The following RIMS2 variants were observed in gnomAD, a reference collection of about 807,000 sequenced individuals.
RIMS2 encodes the protein regulating synaptic membrane exocytosis 2.
RIMS2 carries 59 observed loss-of-function variants against 174.4 expected under a neutral mutation model. That is an observed-to-expected ratio of 0.34 (90% CI 0.27 to 0.42). The LOEUF (loss-of-function observed/expected upper bound fraction) is 0.42, where lower values mean the gene tolerates loss of function less well. RIMS2 is among the 10% of genes least tolerant of loss of function. RIMS2 has a pLI of 1.00. For synonymous variants in RIMS2, 606 were observed against 572.5 expected, an observed-to-expected ratio of 1.06 and a Z score of -0.84; for missense variants, 1,620 against 1,666.3, an observed-to-expected ratio of 0.97 and a Z score of 0.48.
intron 1 of RIMS2, among the ~76,000 whole-genome samples, chr8:103,613,693 A>T (rs1000066810): frequency 6.6e-6 from 1 of 152,190 alleles, no homozygotes; most frequent in Non-Finnish European, 1.5e-5. Flanking sequence ...GGCCCATGGC[A>T]TACTACCTGG....
At chr8:103,653,152 C>T (rs911575330) in intron 1 of RIMS2, among the ~76,000 whole-genome samples, 4 of 152,050 alleles carry the variant, frequency 2.6e-5, no homozygotes, top group African/African-American at 9.7e-5. Context: ...AAATATGCTC[C>T]AAGGGTATTA....
chr8:103,652,807 T>A, intron 1 of RIMS2, 97 bp downstream of exon 3: 1 of 674,580 alleles, frequency 1.5e-6, no homozygotes, highest in Non-Finnish European at 2.3e-6. Context: ...TAGTATGCCC[T>A]CAGAAAGGAA....
chr8:103,876,885 TA>T (rs2099142041), intron 3 of RIMS2, among the ~76,000 whole-genome samples: 1 of 46,350 alleles, frequency 2.2e-5, no homozygotes, highest in African/African-American at 6.3e-5. Context: ...TATATATATA[TA>T]TATATATATA....
intron 1 of RIMS2, among the ~76,000 whole-genome samples, chr8:103,528,023 T>A (rs1297242951): frequency 6.6e-6 from 1 of 152,150 alleles, no homozygotes; most frequent in Non-Finnish European, 1.5e-5. Flanking sequence ...TAAAAGTGTT[T>A]CTATTTCTCC....
At position 104,166,742 on chromosome 8, in the gene RIMS2, A is replaced by G. The variant is rs555948879; in HGVS notation, c.3335-78174A>G. Among the ~76,000 whole-genome samples the G allele has an allele frequency of 2.6e-5, 4 of 151,538 alleles. No homozygotes were observed. The East Asian group carries it at 7.8e-4, about 29-fold the overall frequency. Reference sequence around the variant, plus strand: ...GTTTTATATTTATAACTGTATAAATATTTATATTTATATATAAATATACTC... The same window carrying G: ...GTTTTATATTTATAACTGTATAAATGTTTATATTTATATATAAATATACTC... On this transcript the variant is annotated intron_variant, in intron 19 of 23. Coordinates refer to ENST00000504942, the Ensembl canonical transcript of RIMS2.
chr8:104,234,128 G>A (rs569120206), intron 19 of RIMS2, among the ~76,000 whole-genome samples: 2 of 152,152 alleles, frequency 1.3e-5, no homozygotes, highest in South Asian at 2.1e-4. Context: ...ACACCACTAC[G>A]TGTTGTATAC....
rs528935822 is a variant in RIMS2, at chr8:103,980,310, C to T, written c.2927+4804C>T. On this transcript the variant is annotated intron_variant, in intron 16 of 23. Transcript: ENST00000504942. ...CCCGTTCTAGGCCCTAGCTCTGGCA[C>T]ATTTCTAGACAAACATGGGCTAAAA... Among the ~76,000 whole-genome samples the T allele has an allele frequency of 1.6e-4, 24 of 152,236 alleles. No individual in the cohort carries two copies. The East Asian group carries it at 3.5e-3, about 22-fold the overall frequency.
At chr8:103,712,198 C>T (rs1304944373) in intron 2 of RIMS2, among the ~76,000 whole-genome samples, 1 of 141,080 alleles carries the variant, frequency 7.1e-6, no homozygotes, top group Non-Finnish European at 1.5e-5. Flanking sequence ...TAAATAGAGA[C>T]AGGGTCTCGC....
intron 1 of RIMS2, among the ~76,000 whole-genome samples, chr8:103,683,480 A>G (rs1360718792): frequency 6.6e-6 from 1 of 152,206 alleles, no homozygotes; most frequent in Non-Finnish European, 1.5e-5. Context: ...CTAGGCCACA[A>G]CACTGCCACA....
chr8:104,168,366 G>A (rs968236441), intron 19 of RIMS2, among the ~76,000 whole-genome samples: 9 of 152,072 alleles, frequency 5.9e-5, no homozygotes, highest in African/African-American at 2.2e-4. Context: ...TTTCCTTGTA[G>A]AGATCTTTCA....
At chr8:103,716,142 A>G (rs965595808) in intron 2 of RIMS2, among the ~76,000 whole-genome samples, 167 bp from the exon 5 acceptor site, 3 of 152,056 alleles carry the variant, frequency 2.0e-5, no homozygotes, top group African/African-American at 7.2e-5. Context: ...TTTAAAATCT[A>G]GAATTTTAGA....
rs1216510589 is a variant in RIMS2 at position 103,595,150 on chromosome 8, A to G, written c.176+94088A>G. Among the ~76,000 whole-genome samples, 3 of 151,836 alleles carry G rather than the reference A, an allele frequency of 2.0e-5. No homozygotes were observed. The East Asian group carries it at 5.8e-4, about 29-fold the overall frequency. On this transcript the variant is annotated intron_variant, in intron 1 of 23. Coordinates refer to ENST00000504942, the Ensembl canonical transcript of RIMS2. ...ATTCTTATTGTGGAAAATTACTACA[A>G]TAATTTTTATTCTTTATAGACTGTC... is the stretch of plus-strand genomic sequence containing the variant.
At chr8:103,841,755 G>A (rs1245148726) in intron 3 of RIMS2, among the ~76,000 whole-genome samples, 1 of 151,818 alleles carries the variant, frequency 6.6e-6, no homozygotes, top group Non-Finnish European at 1.5e-5. Flanking sequence ...GCTTTACATC[G>A]ACCAGCCTGG....
At chr8:103,542,155 G>T (rs1267793655) in intron 1 of RIMS2, among the ~76,000 whole-genome samples, 1 of 152,116 alleles carries the variant, frequency 6.6e-6, no homozygotes, top group African/African-American at 2.4e-5. Context: ...TTAAAGAAAA[G>T]ATATTCCAAC....
intron 1 of RIMS2, among the ~76,000 whole-genome samples, chr8:103,514,322 T>G (rs1827934172): frequency 6.6e-6 from 1 of 152,220 alleles, no homozygotes; most frequent in Non-Finnish European, 1.5e-5. Context: ...CACTGTATAT[T>G]TTGGCTGAAT....
intron 14 of RIMS2, among the ~76,000 whole-genome samples, chr8:103,943,132 T>A (rs1338031619): frequency 6.6e-6 from 1 of 152,226 alleles, no homozygotes; most frequent in Admixed American, 6.5e-5. Context: ...AGCATTCACC[T>A]ATCACAATGT....
intron 1 of RIMS2, 107 bp downstream of exon 2, chr8:103,652,344 G>T (rs780956291): frequency 1.3e-4 from 80 of 602,642 alleles, no homozygotes; most frequent in Non-Finnish European, 2.2e-4. Flanking sequence ...CAGCTAGTGT[G>T]TCTTCTGCTT....
chr8:103,980,832 G>A lies in RIMS2; in HGVS notation c.2927+5326G>A, dbSNP rs887498130. On this transcript the variant is annotated intron_variant, in intron 16 of 23. Transcript: ENST00000504942. ...GTGGTGGTAGATCCCACAGGGAGAG[G>A]CTCTTCTGCCTGTGGTAAGGGGAGG... 2.1e-4 allele frequency among the ~76,000 whole-genome samples: 32 copies of A among 152,218 alleles called. 1 individual carries two copies. The highest frequency in any genetic ancestry group is 2.1e-3 in the Admixed American group (32 of 15,292).
At chr8:104,225,989 A>C (rs1209389363) in intron 19 of RIMS2, among the ~76,000 whole-genome samples, 1 of 152,200 alleles carries the variant, frequency 6.6e-6, no homozygotes, top group African/African-American at 2.4e-5. Context: ...CAGGATTGTA[A>C]AAGTTAGAAA....
Sources: allele counts gnomAD v4.1 joint callset (sites outside exome capture counted in the v4.1 genomes callset), GRCh38; gene constraint gnomAD v4.1.1; transcripts MANE v1.5; gene names NCBI Gene and HGNC (gene_info 2026-07-23, HGNC 2026-07-21).